TRABD2B: variants seen among roughly 807,000 people sequenced by gnomAD.
TRABD2B encodes the protein TraB domain containing 2B.
In TRABD2B, 14 loss-of-function variants were observed where a neutral mutation model predicts 40.1. That is an observed-to-expected ratio of 0.35 (90% CI 0.23 to 0.55). TRABD2B has a LOEUF of 0.55. TRABD2B is among the 20% of genes least tolerant of loss of function. TRABD2B has a pLI of 0.90. For synonymous variants in TRABD2B, 263 were observed against 277.0 expected, an observed-to-expected ratio of 0.95 and a Z score of 0.50; for missense variants, 541 against 648.6, an observed-to-expected ratio of 0.83 and a Z score of 1.80.
intron 2 of TRABD2B, among the ~76,000 whole-genome samples, chr1:47,808,497 G>A (rs1303004714): frequency 6.6e-6 from 1 of 152,194 alleles, no homozygotes; most frequent in African/African-American, 2.4e-5. Flanking sequence ...CATATGTGAG[G>A]AGAAGCAGAG....
chr1:47,861,370 C>T (rs1428880359), intron 2 of TRABD2B, among the ~76,000 whole-genome samples: 1 of 151,928 alleles, frequency 6.6e-6, no homozygotes, highest in Non-Finnish European at 1.5e-5. Context: ...GACAGCACCC[C>T]CCACCCTGCA....
chr1:47,858,302 G>C (rs1249398874), intron 2 of TRABD2B, among the ~76,000 whole-genome samples: 1 of 150,998 alleles, frequency 6.6e-6, no homozygotes, highest in African/African-American at 2.4e-5. Flanking sequence ...CCATCACCCA[G>C]GCTGGTGTGC....
intron 2 of TRABD2B, among the ~76,000 whole-genome samples, chr1:47,840,776 G>T (rs1645385889): frequency 6.6e-6 from 1 of 152,164 alleles, no homozygotes; most frequent in South Asian, 2.1e-4. Context: ...AATCAACTTG[G>T]GGCGTGATGA....
intron 2 of TRABD2B, among the ~76,000 whole-genome samples, chr1:47,943,246 T>C (rs1024055950): frequency 6.6e-6 from 1 of 152,332 alleles, no homozygotes; most frequent in Admixed American, 6.5e-5. Flanking sequence ...CCTTCCATTT[T>C]TGGCACGAAA....
intron 2 of TRABD2B, among the ~76,000 whole-genome samples, chr1:47,848,382 A>G (rs1203841788): frequency 1.3e-5 from 2 of 152,078 alleles, no homozygotes; most frequent in African/African-American, 4.8e-5. Flanking sequence ...GACCAAGATT[A>G]CGGCTCAGGC....
intron 2 of TRABD2B, among the ~76,000 whole-genome samples, chr1:47,829,171 G>T (rs775518095): frequency 6.6e-6 from 1 of 152,152 alleles, no homozygotes; most frequent in Non-Finnish European, 1.5e-5. Context: ...CTTTTCAAAT[G>T]CTTACAAGAG....
intron 2 of TRABD2B, among the ~76,000 whole-genome samples, chr1:47,940,619 C>A (rs1158939257): frequency 6.6e-6 from 1 of 152,170 alleles, no homozygotes; most frequent in Non-Finnish European, 1.5e-5. Flanking sequence ...TCAGTGGCTG[C>A]AGGGCCAGGA....
intron 2 of TRABD2B, among the ~76,000 whole-genome samples, chr1:47,860,441 T>C (rs1643950571): frequency 6.6e-6 from 1 of 152,194 alleles, no homozygotes; most frequent in Admixed American, 6.5e-5. Flanking sequence ...GGCATAGGAC[T>C]GTACACTCAG....
chr1:47,996,902 G>C lies in TRABD2B; in HGVS notation c.-113C>G, dbSNP rs1403862018. ...TCTGGAGCACGGGGCTCCAGCCGCAGGATGCTGGGCGCCCTCTGGGGCGTG... is the reference window on the plus strand; with the variant it reads ...TCTGGAGCACGGGGCTCCAGCCGCACGATGCTGGGCGCCCTCTGGGGCGTG... On this transcript the variant is annotated 5_prime_UTR_variant, in exon 1 of 7. Coordinates refer to ENST00000606738, the MANE Select transcript of TRABD2B (RefSeq NM_001194986.2). The surrounding 1 kb of genome is among the most constrained non-coding windows in gnomAD (Gnocchi z 4.6). 1 of 1,126,694 alleles carries C rather than the reference G, an allele frequency of 8.9e-7. No homozygotes were observed. The highest frequency in any genetic ancestry group is 1.1e-6 in the Non-Finnish European group (1 of 921,526). 69.8% of individuals were successfully genotyped at this position (1,126,694 alleles called of 1,614,324 possible).
intron 6 of TRABD2B, among the ~76,000 whole-genome samples, 192 bp from the exon 7 acceptor site, chr1:47,766,298 G>A (rs1644302495): frequency 6.6e-6 from 1 of 152,132 alleles, no homozygotes; most frequent in Non-Finnish European, 1.5e-5. Context: ...GAGTCCACAC[G>A]GACCCCCTTT....
At position 47,794,720 on chromosome 1, in the gene TRABD2B, T is replaced by G. The variant is rs1214891466; in HGVS notation, c.854A>C (p.Gln285Pro). The change falls in exon 4 of 7, where the codon CAG (glutamine) becomes CCG (proline). Residue 285 changes from glutamine to proline, a missense_variant. Coordinates refer to ENST00000606738, the MANE Select transcript of TRABD2B (RefSeq NM_001194986.2). ...GCTGTCAATCTCCTGGGCCGTCACC[T>G]GCTCGTGTGGCGGGAGGGTGGTGTT... ...FINTTLPPHE[Q>P]VTAQEIDSYF... 1.3e-6 allele frequency: 2 copies of G among 1,535,178 alleles called. No individual in the cohort carries two copies. The highest frequency in any genetic ancestry group is 1.7e-6 in the Non-Finnish European group (2 of 1,146,370).
At chr1:47,792,565 G>A (rs72892307) in intron 4 of TRABD2B, among the ~76,000 whole-genome samples, 3,834 of 152,300 alleles carry the variant, frequency 0.025, 171 homozygotes, top group African/African-American at 0.087. Flanking sequence ...AGAAGCTGGC[G>A]TTTGGCATGC....
At chr1:47,968,004 G>T (rs952412169) in intron 2 of TRABD2B, among the ~76,000 whole-genome samples, 1 of 152,224 alleles carries the variant, frequency 6.6e-6, no homozygotes, top group Non-Finnish European at 1.5e-5. Flanking sequence ...GTACAGCATG[G>T]TTTTCAAGGG....
chr1:47,859,867 G>C (rs996650227), intron 2 of TRABD2B, among the ~76,000 whole-genome samples: 1 of 152,142 alleles, frequency 6.6e-6, no homozygotes, highest in Non-Finnish European at 1.5e-5. Context: ...AACTCTTCAC[G>C]GTTAACCAAA....
intron 2 of TRABD2B, among the ~76,000 whole-genome samples, chr1:47,883,506 GGGAT>G (rs1222235176): frequency 6.6e-6 from 1 of 152,232 alleles, no homozygotes; most frequent in Non-Finnish European, 1.5e-5. Flanking sequence ...AGGAGACTCA[GGGAT>G]GGAAAGTAAG....
At chr1:47,815,397 T>G (rs1645017877) in intron 2 of TRABD2B, among the ~76,000 whole-genome samples, 1 of 152,210 alleles carries the variant, frequency 6.6e-6, no homozygotes, top group Non-Finnish European at 1.5e-5. Flanking sequence ...GGGGCCAGTC[T>G]GCTTCCAGGA....
chr1:47,965,235 A>C (rs1354628167), intron 2 of TRABD2B, among the ~76,000 whole-genome samples: 1 of 5,892 alleles, frequency 1.7e-4, no homozygotes, highest in Non-Finnish European at 3.1e-4. Flanking sequence ...GGGGGGGTGG[A>C]TGGGGAGGTG....
At chr1:47,773,533 G>T (rs6698565) in intron 6 of TRABD2B, among the ~76,000 whole-genome samples, 65,664 of 152,230 alleles carry the variant, frequency 0.43, 14,751 homozygotes, top group East Asian at 0.58. Context: ...TACTATTCTT[G>T]TGGCAGTGAA....
chr1:47,984,284 G>C (rs1645885258), intron 2 of TRABD2B, among the ~76,000 whole-genome samples: 1 of 152,250 alleles, frequency 6.6e-6, no homozygotes, highest in Non-Finnish European at 1.5e-5. Flanking sequence ...TGTCCGCAGG[G>C]CTCCGCCTGT....
Sources: gnomAD v4.1 joint callset for allele counts (sites outside exome capture counted in the v4.1 genomes callset) on GRCh38, gnomAD v4.1.1 for gene constraint, Gnocchi (gnomAD v3.1) non-coding constraint, MANE v1.5 for transcripts, NCBI Gene and HGNC (gene_info 2026-07-23, HGNC 2026-07-21) for gene names.